Variants in BCAS3 observed in about 807,000 individuals in gnomAD.
The protein encoded by BCAS3 is BCAS4/BCAS3 fusion.
BCAS3 carries 53 observed loss-of-function variants against 116.1 expected under a neutral mutation model. The observed-to-expected ratio is 0.46, with a 90% CI of 0.37 to 0.57. The LOEUF (loss-of-function observed/expected upper bound fraction) is 0.57. Among genes scored for constraint, BCAS3 ranks in the 20% least tolerant of loss-of-function variants. The pLI, the probability that BCAS3 is intolerant of heterozygous loss-of-function variation, is 0.00. For missense variants in BCAS3, 917 were observed against 1,165.4 expected (o/e 0.79, Z 3.10); for synonymous variants, 391 against 408.2 (o/e 0.96, Z 0.51).
In BCAS3 at chr17:61,023,982, C is replaced by T. The variant is rs1183783807; in HGVS notation, c.1637+8081C>T. On this transcript the variant is annotated intron_variant, in intron 16 of 23. Transcript: ENST00000407086. The surrounding 1 kb of genome is among the most constrained non-coding windows in gnomAD (Gnocchi z 4.8). ...GTAATTTGGGTTGCCTCTGTTAATA[C>T]AGAGAATATTTCATTCAGTATACAC... Among the ~76,000 whole-genome samples the T allele has an allele frequency of 6.6e-6, 1 of 152,144 alleles. No individual in the cohort carries two copies. The highest frequency in any genetic ancestry group is 2.4e-5 in the African/African-American group (1 of 41,436).
At chr17:61,049,123 C>A (rs1414116380) in intron 19 of BCAS3, among the ~76,000 whole-genome samples, 2 of 151,576 alleles carry the variant, frequency 1.3e-5, no homozygotes, top group Non-Finnish European at 2.9e-5. Context: ...TAGAGTGAGA[C>A]CCTGACTCTA....
intron 22 of BCAS3, among the ~76,000 whole-genome samples, chr17:61,303,441 A>G (rs1433643631): frequency 6.6e-6 from 1 of 152,188 alleles, no homozygotes. Context: ...TAGGTTTAAT[A>G]GAGTTTGAGT....
chr17:60,767,781 T>C (rs915838826), intron 6 of BCAS3, among the ~76,000 whole-genome samples: 11 of 152,092 alleles, frequency 7.2e-5, no homozygotes, highest in Non-Finnish European at 1.3e-4. Context: ...GTCGAGTTGC[T>C]TCTTCCAATT....
chr17:61,151,592 A>G lies in BCAS3; in HGVS notation c.2425+67028A>G, dbSNP rs2077544616. Among the ~76,000 whole-genome samples the G allele has an allele frequency of 6.6e-6, 1 of 151,968 alleles. No homozygotes were observed. Among genetic ancestry groups the G allele is most frequent in the African/African-American group, 2.4e-5 (1 of 41,352 alleles). On this transcript the variant is annotated intron_variant, in intron 22 of 23. Coordinates refer to ENST00000407086, the MANE Select transcript of BCAS3 (RefSeq NM_017679.5). This position sits in a 1 kb window ranked among gnomAD's most constrained non-coding sequence, Gnocchi z 4.8. ...AGTGATCCTTCCAGTTCAGTCTCCCATGTAGCTGATACTGACTAGCACGCC... is the reference window on the plus strand; with the variant it reads ...AGTGATCCTTCCAGTTCAGTCTCCCGTGTAGCTGATACTGACTAGCACGCC...
In BCAS3 at chr17:61,128,710, G is replaced by A. The variant is rs1359339902; in HGVS notation, c.2425+44146G>A. On this transcript the variant is annotated intron_variant, in intron 22 of 23. Coordinates refer to ENST00000407086, the MANE Select transcript of BCAS3 (RefSeq NM_017679.5). The surrounding 1 kb of genome is among the most constrained non-coding windows in gnomAD (Gnocchi z 4.1). ...TCTGGAAACCAGCATATTGGCAGTC[G>A]TCTCACAACATGATTTTGCATTTAC... 6 of 634,256 alleles carry A rather than the reference G, an allele frequency of 9.5e-6. No homozygotes were observed. The highest frequency in any genetic ancestry group is 4.0e-5 in the African/African-American group (2 of 49,910). 39.3% of individuals were successfully genotyped at this position (634,256 alleles called of 1,614,324 possible).
At chr17:60,719,234 A>G (rs1598281693) in intron 5 of BCAS3, among the ~76,000 whole-genome samples, 1 of 152,234 alleles carries the variant, frequency 6.6e-6, no homozygotes, top group Non-Finnish European at 1.5e-5. Flanking sequence ...TTGCTGGTCC[A>G]TAAACTGGTG....
At position 61,256,375 on chromosome 17, in the gene BCAS3, C is replaced by G. The variant is rs906135782; in HGVS notation, c.2426-111952C>G. 6.6e-6 allele frequency among the ~76,000 whole-genome samples: 1 copy of G among 152,166 alleles called. No homozygotes were observed. Among genetic ancestry groups the G allele is most frequent in the African/African-American group, 2.4e-5 (1 of 41,432 alleles). ...CTGGAGTGCAGCGGTGTGATCAAGG[C>G]TCACTGCAACCTCCGCCTCTGGGGT... On this transcript the variant is annotated intron_variant, in intron 22 of 23. Coordinates refer to ENST00000407086, the MANE Select transcript of BCAS3 (RefSeq NM_017679.5). The surrounding 1 kb of genome is among the most constrained non-coding windows in gnomAD (Gnocchi z 5.6).
intron 15 of BCAS3, among the ~76,000 whole-genome samples, chr17:61,000,214 C>T (rs1455179686): frequency 6.6e-6 from 1 of 152,090 alleles, no homozygotes; most frequent in Admixed American, 6.6e-5. Flanking sequence ...TGTTCCAGTT[C>T]TTGAGGAGGA....
rs150092144 is a variant in BCAS3 at position 61,198,861 on chromosome 17, G to A, written c.2425+114297G>A. On this transcript the variant is annotated intron_variant, in intron 22 of 23. Transcript: ENST00000407086. The surrounding 1 kb of genome is among the most constrained non-coding windows in gnomAD (Gnocchi z 5.0). ...TTAGATTGATGTGGATTGGTTTAAC[G>A]TAATTGGAAGTTTGAAAGGTACATG... Among the ~76,000 whole-genome samples the A allele has an allele frequency of 1.3e-4, 20 of 152,302 alleles. No individual in the cohort carries two copies. Among genetic ancestry groups the A allele is most frequent in the African/African-American group, 3.4e-4 (14 of 41,568 alleles).
chr17:60,730,087 A>G (rs957471632), intron 5 of BCAS3, among the ~76,000 whole-genome samples: 4 of 152,340 alleles, frequency 2.6e-5, no homozygotes, highest in African/African-American at 9.6e-5. Context: ...TGCATGCTGA[A>G]GTAATGGCTA....
chr17:61,287,165 G>A (rs1397108105), intron 22 of BCAS3, among the ~76,000 whole-genome samples: 3 of 151,072 alleles, frequency 2.0e-5, no homozygotes, highest in African/African-American at 4.9e-5. Context: ...GGAGAATGGC[G>A]TGAACCCGGG....
At chr17:60,739,620 GA>G (rs77013838) in intron 5 of BCAS3, among the ~76,000 whole-genome samples, 3,725 of 149,570 alleles carry the variant, frequency 0.025, 121 homozygotes, top group East Asian at 0.074. Flanking sequence ...AACTCTGTCT[GA>G]AAAAAAAAGG....
intron 23 of BCAS3, among the ~76,000 whole-genome samples, chr17:61,369,069 A>G (rs2058897310): frequency 1.3e-5 from 2 of 152,226 alleles, no homozygotes; most frequent in African/African-American, 4.8e-5. Context: ...GGCCCAGGCA[A>G]GTGCATGTTC....
chr17:61,204,848 T>TC lies in BCAS3; in HGVS notation c.2425+120285dup, dbSNP rs2144300751. On this transcript the variant is annotated intron_variant, in intron 22 of 23. Coordinates refer to ENST00000407086, the MANE Select transcript of BCAS3 (RefSeq NM_017679.5). The surrounding 1 kb of genome is among the most constrained non-coding windows in gnomAD (Gnocchi z 4.2). ...ACGCAGATCAGTTGAGGCCAGGAGT[T>TC]CGAGACCAGCCTGGGCAACAGGGCA... is the stretch of plus-strand genomic sequence containing the variant. 6.6e-6 allele frequency among the ~76,000 whole-genome samples: 1 copy of TC among 152,162 alleles called. No individual in the cohort carries two copies. Among genetic ancestry groups the TC allele is most frequent in the African/African-American group, 2.4e-5 (1 of 41,492 alleles).
intron 7 of BCAS3, among the ~76,000 whole-genome samples, chr17:60,857,227 ATTT>A (rs1459370111): frequency 6.6e-6 from 1 of 152,174 alleles, no homozygotes; most frequent in Non-Finnish European, 1.5e-5. Context: ...CAAATTACAG[ATTT>A]TTAAAGAAGC....
intron 7 of BCAS3, among the ~76,000 whole-genome samples, chr17:60,830,032 C>T (rs1344948035): frequency 1.3e-5 from 2 of 152,146 alleles, no homozygotes; most frequent in Non-Finnish European, 2.9e-5. Context: ...CACTCTGTCA[C>T]CCAAGCTGGA....
chr17:61,125,799 C>T (rs2076019397), intron 22 of BCAS3, among the ~76,000 whole-genome samples: 1 of 152,096 alleles, frequency 6.6e-6, no homozygotes, highest in Admixed American at 6.6e-5. Flanking sequence ...CCAAAGACTT[C>T]CAAAATGTCT....
chr17:61,314,075 G>A (rs2054543132), intron 22 of BCAS3, among the ~76,000 whole-genome samples: 1 of 152,224 alleles, frequency 6.6e-6, no homozygotes, highest in African/African-American at 2.4e-5. Flanking sequence ...GGGCCTTAGG[G>A]ATCATCTAGC....
intron 22 of BCAS3, among the ~76,000 whole-genome samples, chr17:61,191,354 G>A (rs527322667): frequency 1.3e-5 from 2 of 152,136 alleles, no homozygotes; most frequent in African/African-American, 4.8e-5. Context: ...TCAGGTGATA[G>A]GACAATAATA....
Sources: gnomAD v4.1 joint callset for allele counts (sites outside exome capture counted in the v4.1 genomes callset) on GRCh38, gnomAD v4.1.1 for gene constraint, Gnocchi (gnomAD v3.1) non-coding constraint, MANE v1.5 for transcripts, NCBI Gene and HGNC (gene_info 2026-07-23, HGNC 2026-07-21) for gene names.